The following EXOC2 variants were observed in gnomAD, a reference collection of about 807,000 sequenced individuals.
The protein encoded by EXOC2 is SEC5-like 1.
A neutral mutation model predicts 131.8 loss-of-function variants in EXOC2; 70 were observed. The ratio of observed to expected loss-of-function variants is 0.53; its 90% CI spans 0.44 to 0.65. EXOC2 has a LOEUF of 0.65. Among genes scored for constraint, EXOC2 ranks in the 30% least tolerant of loss-of-function variants. The pLI, the probability that EXOC2 is intolerant of heterozygous loss-of-function variation, is 0.00. For missense variants in EXOC2, 923 were observed against 1,108.6 expected (o/e 0.83, Z 2.38); for synonymous variants, 411 against 398.4 (o/e 1.03, Z -0.38).
chr6:650,186 C>T (rs1370902892), intron 1 of EXOC2, among the ~76,000 whole-genome samples: 4 of 152,148 alleles, frequency 2.6e-5, no homozygotes, highest in Non-Finnish European at 5.9e-5. Context: ...TATATCCAAG[C>T]TGTAAGTCTA....
At chr6:673,252 C>CAAAAAAAAAAAAAAAAAAAAAAAAA (rs56189394) in intron 1 of EXOC2, among the ~76,000 whole-genome samples, 6 of 64,266 alleles carry the variant, frequency 9.3e-5, no homozygotes, top group African/African-American at 2.1e-4. Flanking sequence ...ACTCCATAGC[C>CAAAAAAAAAAAAAAAAAAAAAAAAA]AAAAAAAAAA....
At chr6:590,996 AC>A (rs994728562) in intron 11 of EXOC2, among the ~76,000 whole-genome samples, 2 of 152,060 alleles carry the variant, frequency 1.3e-5, no homozygotes, top group Non-Finnish European at 2.9e-5. Context: ...TGGCACCATC[AC>A]CCTAACTAGC....
intron 1 of EXOC2, among the ~76,000 whole-genome samples, chr6:685,743 T>C (rs954509321): frequency 1.3e-5 from 2 of 151,984 alleles, no homozygotes; most frequent in South Asian, 2.1e-4. Context: ...AAAGAACTCA[T>C]AGGGGCCAAA....
chr6:501,893 A>ATT (rs1764225114), intron 23 of EXOC2, among the ~76,000 whole-genome samples: 1 of 151,684 alleles, frequency 6.6e-6, no homozygotes, highest in Non-Finnish European at 1.5e-5. Flanking sequence ...GGCAGGAGAG[A>ATT]AGAACAGAAA....
chr6:548,619 T>C (rs768219922), intron 22 of EXOC2, among the ~76,000 whole-genome samples: 17 of 152,182 alleles, frequency 1.1e-4, no homozygotes, highest in Non-Finnish European at 1.9e-4. Context: ...GGGGAGGACA[T>C]ATTTTTCAGG....
At chr6:554,048 T>TG (rs980710222) in intron 20 of EXOC2, 128 bp from the exon 21 acceptor site, 39 of 762,522 alleles carry the variant, frequency 5.1e-5, no homozygotes, top group Non-Finnish European at 8.0e-5. Flanking sequence ...CACATAACTT[T>TG]TTTTTTTTTG....
At position 598,814 on chromosome 6, in the gene EXOC2, C is replaced by G. The variant is rs985158221; in HGVS notation, c.970+46G>C. The G allele has an allele frequency of 2.0e-6, 3 of 1,468,274 alleles. No homozygotes were observed. The Admixed American group carries it at 5.9e-5, about 29-fold the overall frequency. 91.0% of individuals were successfully genotyped at this position (1,468,274 alleles called of 1,614,324 possible). A position where few individuals can be genotyped will look rare whatever the true frequency, so the allele number is the denominator to read the frequency against. On this transcript the variant is annotated intron_variant, in intron 9 of 27. Coordinates refer to ENST00000230449, the MANE Select transcript of EXOC2 (RefSeq NM_018303.6). ...TTGCAGAACACATTCCACATTCTTCCTATAAAAGGAAAGGAGAAGATCTAA... is the reference window on the plus strand; with the variant it reads ...TTGCAGAACACATTCCACATTCTTCGTATAAAAGGAAAGGAGAAGATCTAA...
At chr6:579,523 T>G (rs529654420) in intron 11 of EXOC2, among the ~76,000 whole-genome samples, 1 of 152,360 alleles carries the variant, frequency 6.6e-6, no homozygotes, top group African/African-American at 2.4e-5. Flanking sequence ...GTATTTTTGC[T>G]GAGTGTCCAG....
chr6:656,029 T>G lies in EXOC2; in HGVS notation c.-43-18168A>C, dbSNP rs907917014. 2.7e-6 allele frequency: 3 copies of G among 1,095,652 alleles called. No homozygotes were observed. In the African/African-American group the frequency reaches 4.7e-5, roughly 17 times the overall value. 67.9% of individuals were successfully genotyped at this position (1,095,652 alleles called of 1,614,324 possible). On this transcript the variant is annotated intron_variant, in intron 1 of 27. Transcript: ENST00000230449. ...CATAAGTCAGTGAAGGTCCAAATTT[T>G]CAACCCAATTAACTCAGGGTCTGTT...
At chr6:527,778 T>C in intron 23 of EXOC2, among the ~76,000 whole-genome samples, 1 of 152,234 alleles carries the variant, frequency 6.6e-6, no homozygotes. Flanking sequence ...AAGTTCACTA[T>C]TTACCTATAG....
At chr6:627,263 A>C (rs1761624397) in intron 4 of EXOC2, among the ~76,000 whole-genome samples, 1 of 132,092 alleles carries the variant, frequency 7.6e-6, no homozygotes, top group African/African-American at 2.9e-5. Context: ...AAAAAAAAAA[A>C]AGAAGCCTGG....
rs80100043 is a variant in EXOC2, at chr6:598,803, C to T, written c.970+57G>A. ...TATAACATTCTTTGCAGAACACATT[C>T]CACATTCTTCCTATAAAAGGAAAGG... On this transcript the variant is annotated intron_variant, in intron 9 of 27. Transcript: ENST00000230449. The T allele has an allele frequency of 0.05, 69,571 of 1,395,200 alleles. 3,066 individuals are homozygous for T. Among genetic ancestry groups the T allele is most frequent in the African/African-American group, 0.21 (14,667 of 69,024 alleles). 86.4% of individuals were successfully genotyped at this position (1,395,200 alleles called of 1,614,324 possible).
chr6:603,550 G>A (rs2127649483), intron 7 of EXOC2, among the ~76,000 whole-genome samples: 1 of 152,134 alleles, frequency 6.6e-6, no homozygotes, highest in Middle Eastern at 3.4e-3. Flanking sequence ...CAACCCCAAT[G>A]GGAGTATTTA....
At chr6:678,799 C>A (rs563731833) in intron 1 of EXOC2, among the ~76,000 whole-genome samples, 5 of 152,318 alleles carry the variant, frequency 3.3e-5, no homozygotes, top group Admixed American at 6.5e-5. Flanking sequence ...GTAGTCAGGA[C>A]AGCCAAAGAT....
intron 1 of EXOC2, among the ~76,000 whole-genome samples, chr6:659,128 T>C (rs1296568634): frequency 6.6e-6 from 1 of 152,248 alleles, no homozygotes; most frequent in Non-Finnish European, 1.5e-5. Context: ...ATTGACCTTT[T>C]ATGTCTCTAA....
chr6:529,682 G>A (rs547380151), intron 23 of EXOC2, among the ~76,000 whole-genome samples: 2 of 152,114 alleles, frequency 1.3e-5, no homozygotes, highest in Non-Finnish European at 2.9e-5. Flanking sequence ...GTACTTACAT[G>A]TGAATCACAG....
chr6:506,538 GT>G lies in EXOC2; in HGVS notation c.2381-6839del, dbSNP rs913852562. On this transcript the variant is annotated intron_variant, in intron 23 of 27. Coordinates refer to ENST00000230449, the MANE Select transcript of EXOC2 (RefSeq NM_018303.6). This position sits in a 1 kb window ranked among gnomAD's most constrained non-coding sequence, Gnocchi z 4.4. Reference sequence around the variant, plus strand: ...TCAATAAACCCCCACAACTTTCCATGTTGTTCAAGCGAGGGAATGAGAAACA... The same window carrying G: ...TCAATAAACCCCCACAACTTTCCATGTGTTCAAGCGAGGGAATGAGAAACA... Among the ~76,000 whole-genome samples the G allele has an allele frequency of 2.6e-5, 4 of 152,226 alleles. No homozygotes were observed. The highest frequency in any genetic ancestry group is 9.6e-5 in the African/African-American group (4 of 41,452).
chr6:489,351 TA>T (rs1038751312), intron 26 of EXOC2, among the ~76,000 whole-genome samples: 6 of 152,190 alleles, frequency 3.9e-5, no homozygotes, highest in Non-Finnish European at 7.3e-5. Flanking sequence ...ATGTTTAATT[TA>T]AAAGGAGTCT....
At chr6:621,230 AG>A (rs1761274887) in intron 4 of EXOC2, among the ~76,000 whole-genome samples, 2 of 152,226 alleles carry the variant, frequency 1.3e-5, no homozygotes, top group Non-Finnish European at 2.9e-5. Flanking sequence ...TCACAGCTGC[AG>A]GGAACACTGT....
Sources: allele counts gnomAD v4.1 joint callset (sites outside exome capture counted in the v4.1 genomes callset), GRCh38; gene constraint gnomAD v4.1.1; non-coding constraint Gnocchi (gnomAD v3.1); transcripts MANE v1.5; gene names NCBI Gene and HGNC (gene_info 2026-07-23, HGNC 2026-07-21).